Variants in P4HA2 observed in about 807,000 individuals in gnomAD.
P4HA2 encodes prolyl 4-hydroxylase subunit alpha 2, also known as prolyl 4-hydroxylase subunit alpha-2.
A neutral mutation model predicts 76.9 loss-of-function variants in P4HA2; 46 were observed. That is an observed-to-expected ratio of 0.60 (90% CI 0.47 to 0.76). The LOEUF (loss-of-function observed/expected upper bound fraction) is 0.76. Ranked by LOEUF, P4HA2 falls within the 30% of genes least tolerant of loss-of-function variation. P4HA2 has a pLI of 0.00. For missense variants in P4HA2, 583 were observed against 669.4 expected (o/e 0.87, Z 1.42); for synonymous variants, 243 against 254.0 (o/e 0.96, Z 0.41).
chr5:132,192,789 C>A lies in P4HA2; in HGVS notation c.*221G>T. ...GCTAGACAGCTAACTCTGCTGCAGCCACTTTGATCCTAGCCTTGGGGCCAG... is the reference window on the plus strand; with the variant it reads ...GCTAGACAGCTAACTCTGCTGCAGCAACTTTGATCCTAGCCTTGGGGCCAG... On this transcript the variant is annotated 3_prime_UTR_variant, in exon 15 of 15. Coordinates refer to ENST00000360568, the MANE Select transcript of P4HA2 (RefSeq NM_001017974.2). 3.8e-6 allele frequency: 2 copies of A among 525,350 alleles called. No homozygotes were observed. Among genetic ancestry groups the A allele is most frequent in the Non-Finnish European group, 6.8e-6 (2 of 294,218 alleles). 32.5% of individuals were successfully genotyped at this position (525,350 alleles called of 1,614,324 possible).
chr5:132,197,878 G>T, intron 12 of P4HA2: 1 of 318,430 alleles, frequency 3.1e-6, no homozygotes, highest in Non-Finnish European at 4.5e-6. Context: ...TGATGCTTGC[G>T]CACTATGAAT....
chr5:132,215,203 G>C (rs1348146393), intron 4 of P4HA2, among the ~76,000 whole-genome samples: 1 of 152,216 alleles, frequency 6.6e-6, no homozygotes, highest in African/African-American at 2.4e-5. Flanking sequence ...GGTGGGAGTA[G>C]GGGAACATGC....
At chr5:132,224,231 T>G (rs1380972990) in intron 1 of P4HA2, among the ~76,000 whole-genome samples, 1 of 152,184 alleles carries the variant, frequency 6.6e-6, no homozygotes, top group Non-Finnish European at 1.5e-5. Flanking sequence ...TCAGACATAC[T>G]AAGAGTTAAA....
chr5:132,217,615 T>C (rs1034969784), intron 3 of P4HA2, 137 bp downstream of exon 3: 3 of 699,438 alleles, frequency 4.3e-6, no homozygotes, highest in African/African-American at 3.5e-5. Flanking sequence ...TCTCAAGCAC[T>C]GGCATGAAGT....
chr5:132,203,039 C>G (rs1247788728), intron 10 of P4HA2, among the ~76,000 whole-genome samples: 4 of 152,206 alleles, frequency 2.6e-5, no homozygotes. Context: ...TAGGTTGTTG[C>G]CCATAACACT....
intron 10 of P4HA2, chr5:132,199,432 T>G (rs3805683): frequency 0.34 from 53,129 of 154,374 alleles, 10,225 homozygotes; most frequent in Non-Finnish European, 0.45. Flanking sequence ...TGGGGCAGAC[T>G]CCCACAGTGG....
chr5:132,197,988 TA>T, intron 12 of P4HA2: 1 of 985,006 alleles, frequency 1.0e-6, no homozygotes, highest in African/African-American at 1.7e-5. Flanking sequence ...GGGAAAAAAA[TA>T]GGAGCCAGGA....
intron 12 of P4HA2, among the ~76,000 whole-genome samples, chr5:132,197,737 A>G (rs1183010427): frequency 6.6e-6 from 1 of 152,176 alleles, no homozygotes; most frequent in Non-Finnish European, 1.5e-5. Context: ...CATTTATTTA[A>G]GTAACCAAAA....
chr5:132,221,667 A>G (rs1388937304), intron 1 of P4HA2, among the ~76,000 whole-genome samples: 1 of 152,212 alleles, frequency 6.6e-6, no homozygotes, highest in Non-Finnish European at 1.5e-5. Flanking sequence ...TGGTGAAATA[A>G]TTTCTTTTTA....
At position 132,192,595 on chromosome 5, in the gene P4HA2, C is replaced by T. The variant is rs1277499606; in HGVS notation, c.*415G>A. ...GTAAAAGCTTCCAGTCTTAAAAATA[C>T]TCCAAGTAAGGCTCTTTAAGGCTTC... is the stretch of plus-strand genomic sequence containing the variant. On this transcript the variant is annotated 3_prime_UTR_variant, in exon 15 of 15. Coordinates refer to ENST00000360568, the MANE Select transcript of P4HA2 (RefSeq NM_001017974.2). 1 of 156,300 alleles carries T rather than the reference C, an allele frequency of 6.4e-6. No homozygotes were observed. The highest frequency in any genetic ancestry group is 1.8e-4 in the East Asian group (1 of 5,514). 9.7% of individuals were successfully genotyped at this position (156,300 alleles called of 1,614,324 possible).
chr5:132,209,797 G>A (rs1193746299), intron 6 of P4HA2, among the ~76,000 whole-genome samples: 2 of 143,094 alleles, frequency 1.4e-5, no homozygotes, highest in East Asian at 2.1e-4. Flanking sequence ...AAAGGTAGAT[G>A]AGTTTTAAAG....
At chr5:132,208,051 T>C (rs138751429) in intron 7 of P4HA2, among the ~76,000 whole-genome samples, 167 bp from the exon 8 acceptor site, 3 of 152,106 alleles carry the variant, frequency 2.0e-5, no homozygotes, top group East Asian at 3.9e-4. Context: ...CAGTGGCTCA[T>C]GCCTGTAATC....
chr5:132,199,398 T>G, intron 10 of P4HA2: 1 of 158,268 alleles, frequency 6.3e-6, no homozygotes, highest in Non-Finnish European at 1.4e-5. Context: ...TCCTACCACC[T>G]CTGCTATTCC....
At position 132,193,057 on chromosome 5, in the gene P4HA2, G is replaced by T; in HGVS notation, c.1555C>A (p.Arg519=). ...CAAGGTCTCAAGAACTCCTGTCCTCGTTCATGGAACCACTTATTGGAGACT... is the reference window on the plus strand; with the variant it reads ...CAAGGTCTCAAGAACTCCTGTCCTCTTTCATGGAACCACTTATTGGAGACT... ...KWVSNKWFHE[R]GQEFLRPCGS... The change falls in exon 15 of 15, where the codon CGA becomes AGA. Residue 519 remains arginine, a synonymous_variant. Transcript: ENST00000360568. 6.2e-7 allele frequency: 1 copy of T among 1,612,746 alleles called. No homozygotes were observed. Among genetic ancestry groups the T allele is most frequent in the Non-Finnish European group, 8.5e-7 (1 of 1,178,692 alleles).
intron 1 of P4HA2, among the ~76,000 whole-genome samples, chr5:132,224,719 G>GA (rs1429855109): frequency 6.6e-6 from 1 of 151,880 alleles, no homozygotes; most frequent in Non-Finnish European, 1.5e-5. Flanking sequence ...AAAAGGCGGG[G>GA]GATTGGACCA....
chr5:132,197,096 A>C (rs551712597), intron 12 of P4HA2, among the ~76,000 whole-genome samples: 1 of 152,290 alleles, frequency 6.6e-6, no homozygotes, highest in East Asian at 1.9e-4. Context: ...GGCTCTCAGC[A>C]GAGGGGAGAG....
At position 132,198,334 on chromosome 5, in the gene P4HA2, G is replaced by A. The variant is rs62384125; in HGVS notation, c.1352C>T (p.Thr451Met). Residue 451 changes from threonine (T) to methionine (M), a missense_variant, in exon 12 of 15, where the codon ACG (threonine) becomes ATG (methionine). Coordinates refer to ENST00000360568, the MANE Select transcript of P4HA2 (RefSeq NM_001017974.2). ...GLKTEGNRLA[T>M]FLNYMSDVEA... ...CCCAGTACTTACGTAGTTAAGAAAC[G>A]TCGCTAACCTATTCCCCTCTGTTTT... The A allele has an allele frequency of 3.8e-5, 61 of 1,613,952 alleles. No individual in the cohort carries two copies. The highest frequency in any genetic ancestry group is 3.3e-4 in the Middle Eastern group (2 of 5,980).
At chr5:132,215,233 G>A (rs1158411892) in intron 4 of P4HA2, among the ~76,000 whole-genome samples, 1 of 152,246 alleles carries the variant, frequency 6.6e-6, no homozygotes, top group East Asian at 1.9e-4. Context: ...AAGCCACACT[G>A]TCAGCATGCC....
In P4HA2 at chr5:132,218,602, G is replaced by T. The variant is rs371157959; in HGVS notation, c.25C>A (p.Leu9Met). The T allele has an allele frequency of 1.9e-6, 3 of 1,613,684 alleles. No individual in the cohort carries two copies. Among genetic ancestry groups the T allele is most frequent in the East Asian group, 4.5e-5 (2 of 44,898 alleles). MKLWVSAL[L>M]MAWFGVLSCV... ...CTCAGGACACCAAACCAGGCCATCAGCAATGCAGACACCCAGAGTTTCATG... is the reference window on the plus strand; with the variant it reads ...CTCAGGACACCAAACCAGGCCATCATCAATGCAGACACCCAGAGTTTCATG... The change falls in exon 2 of 15, where the codon CTG (leucine) becomes ATG (methionine). Residue 9 changes from leucine (L) to methionine (M), a missense_variant. By Grantham distance (15) the Leu-to-Met change is conservative. Transcript: ENST00000360568.
Sources: gnomAD v4.1 joint callset for allele counts (sites outside exome capture counted in the v4.1 genomes callset) on GRCh38, gnomAD v4.1.1 for gene constraint, MANE v1.5 for transcripts, NCBI Gene and HGNC (gene_info 2026-07-23, HGNC 2026-07-21) for gene names.